Variants in SEMA3A observed in about 807,000 individuals in gnomAD.
SEMA3A encodes semaphorin-3A.
A neutral mutation model predicts 97.9 loss-of-function variants in SEMA3A; 29 were observed. That is an observed-to-expected ratio of 0.30 (90% confidence interval 0.22 to 0.40). SEMA3A has a LOEUF of 0.40. Ranked by LOEUF, SEMA3A falls within the 10% of genes least tolerant of loss-of-function variation. SEMA3A has a pLI of 1.00. For missense variants in SEMA3A, 763 were observed against 951.3 expected, an observed-to-expected ratio of 0.80 and a Z score of 2.60; for synonymous variants, 321 against 323.7, an observed-to-expected ratio of 0.99 and a Z score of 0.09.
chr7:84,157,460 C>T (rs1318220769), intron 1 of SEMA3A, among the ~76,000 whole-genome samples: 1 of 149,752 alleles, frequency 6.7e-6, no homozygotes, highest in African/African-American at 2.5e-5. Flanking sequence ...GACCACAACA[C>T]TGTTTAAAAT....
intron 6 of SEMA3A, among the ~76,000 whole-genome samples, chr7:84,033,819 A>G (rs1791846295): frequency 6.6e-6 from 1 of 152,112 alleles, no homozygotes; most frequent in Non-Finnish European, 1.5e-5. Flanking sequence ...ATTTTGAACA[A>G]GATCCCATGG....
rs1041730816 is a variant in SEMA3A at position 84,425,995 on chromosome 7, G to A, written c.-245-54095C>T. Among the ~76,000 whole-genome samples, 4 of 150,246 alleles carry A rather than the reference G, an allele frequency of 2.7e-5. 1 individual carries two copies. The highest frequency in any genetic ancestry group is 4.4e-5 in the Non-Finnish European group (3 of 67,618). The stretch of plus-strand genomic sequence containing the variant: ...ACTCAGGAATGGAAAACTAAATACT[G>A]TAAATTCTCATTTATATTTGGCAGC... On this transcript the variant is annotated intron_variant, in intron 1 of 3. Coordinates refer to the SEMA3A transcript ENST00000424555.
chr7:84,447,101 C>G lies in SEMA3A; in HGVS notation c.-246+45359G>C, dbSNP rs376146317. ...AAAGCAAAGTTGAAGCGAGCCCAGG[C>G]GCCATCACGACCTGGCCAGGTGTGC... is the stretch of plus-strand genomic sequence containing the variant. On this transcript the variant is annotated intron_variant, in intron 1 of 3. Coordinates refer to the SEMA3A transcript ENST00000424555. Among the ~76,000 whole-genome samples, 10 of 152,294 alleles carry G rather than the reference C, an allele frequency of 6.6e-5. 2 individuals carry two copies. Among genetic ancestry groups the G allele is most frequent in the Admixed American group, 6.5e-5 (1 of 15,308 alleles).
chr7:84,113,726 A>ATATT (rs1562790509), intron 3 of SEMA3A, among the ~76,000 whole-genome samples: 1 of 152,168 alleles, frequency 6.6e-6, no homozygotes, highest in East Asian at 1.9e-4. Context: ...TGGCTTCCCA[A>ATATT]GAGTCAGGCA....
intron 1 of SEMA3A, among the ~76,000 whole-genome samples, chr7:84,423,692 T>A (rs1189330806): frequency 6.6e-6 from 1 of 152,026 alleles, no homozygotes; most frequent in Non-Finnish European, 1.5e-5. Flanking sequence ...AGCAAACATT[T>A]TACCTGTTTT....
intron 1 of SEMA3A, among the ~76,000 whole-genome samples, chr7:84,373,022 G>A (rs777752110): frequency 6.6e-6 from 1 of 152,114 alleles, no homozygotes; most frequent in Non-Finnish European, 1.5e-5. Context: ...GTTTCCATTC[G>A]CTCTCTTGTC....
chr7:84,472,316 C>T (rs1303430646), intron 1 of SEMA3A, among the ~76,000 whole-genome samples: 2 of 152,210 alleles, frequency 1.3e-5, no homozygotes, highest in Non-Finnish European at 1.5e-5. Context: ...TTGAGGAAGA[C>T]TTTGGTCTTT....
intron 1 of SEMA3A, among the ~76,000 whole-genome samples, chr7:84,454,810 T>C (rs1805648990): frequency 6.6e-6 from 1 of 152,120 alleles, no homozygotes; most frequent in Non-Finnish European, 1.5e-5. Context: ...TAAATCTTTT[T>C]ACAACTGTCA....
At chr7:84,176,082 A>G (rs1797557600) in intron 1 of SEMA3A, among the ~76,000 whole-genome samples, 1 of 133,924 alleles carries the variant, frequency 7.5e-6, no homozygotes, top group Non-Finnish European at 1.7e-5. Flanking sequence ...CTTAAGAACA[A>G]TTATGTCTAT....
chr7:84,351,338 T>A, intron 2 of SEMA3A, among the ~76,000 whole-genome samples: 1 of 152,154 alleles, frequency 6.6e-6, no homozygotes, highest in East Asian at 1.9e-4. Flanking sequence ...TTGAAAAACA[T>A]TGACAACAAT....
chr7:84,385,649 C>T (rs1803378594), intron 1 of SEMA3A, among the ~76,000 whole-genome samples: 2 of 152,026 alleles, frequency 1.3e-5, no homozygotes, highest in Non-Finnish European at 2.9e-5. Context: ...TTGAATTTCC[C>T]AGAAGAGCCA....
At chr7:84,413,468 AAAC>A (rs1804336523) in intron 1 of SEMA3A, among the ~76,000 whole-genome samples, 1 of 152,104 alleles carries the variant, frequency 6.6e-6, no homozygotes, top group South Asian at 2.1e-4. Flanking sequence ...TCTCTACAAA[AAAC>A]ACAAAAGTTA....
intron 1 of SEMA3A, among the ~76,000 whole-genome samples, chr7:84,174,179 T>C (rs10228719): frequency 0.011 from 1,645 of 151,436 alleles, 23 homozygotes; most frequent in African/African-American, 0.038. Context: ...GTAAATGTAA[T>C]GTATTTGAAT....
chr7:84,021,627 T>G (rs1791332717), intron 6 of SEMA3A, among the ~76,000 whole-genome samples: 4 of 152,232 alleles, frequency 2.6e-5, no homozygotes, highest in Admixed American at 2.6e-4. Context: ...AAACTCTATC[T>G]TAATCACTTG....
Position 84,001,957 on chromosome 7 carries a change from G to A in SEMA3A, c.1450C>T (p.Arg484Trp), listed in dbSNP as rs137871935. The A allele has an allele frequency of 1.4e-4, 227 of 1,608,298 alleles. 1 individual carries two copies. Among genetic ancestry groups the A allele is most frequent in the Middle Eastern group, 1.3e-3 (8 of 6,042 alleles). The stretch of plus-strand genomic sequence containing the variant: ...ACTTGAAATTAAGCAGCACTCACCC[G>A]AAAAACTGTCATTTCTTCCAGCAGA... ...EVLLEEMTVFREPTAISAMEL... is the reference protein window; with the variant it reads ...EVLLEEMTVFWEPTAISAMEL... Residue 484 changes from arginine to tryptophan, a missense_variant and splice_region_variant, in exon 12 of 17, where the codon CGG (arginine) becomes TGG (tryptophan). Around this residue, in one of 2 missense-constraint regions of SEMA3A, gnomAD observed 678 missense variants for 881.3 expected, o/e 0.77. Transcript: ENST00000265362.
At chr7:84,178,995 A>G (rs927016499) in intron 1 of SEMA3A, among the ~76,000 whole-genome samples, 1 of 151,918 alleles carries the variant, frequency 6.6e-6, no homozygotes, top group Admixed American at 6.6e-5. Flanking sequence ...TACTTCAAAT[A>G]TTTCTTTTCA....
At chr7:84,281,885 A>G (rs528783136) in intron 3 of SEMA3A, among the ~76,000 whole-genome samples, 120 of 152,288 alleles carry the variant, frequency 7.9e-4, no homozygotes, top group South Asian at 3.1e-3. Flanking sequence ...ACAAATATTC[A>G]TCATTACTAA....
At chr7:84,439,651 GGCT>G (rs1805221805) in intron 1 of SEMA3A, among the ~76,000 whole-genome samples, 1 of 152,066 alleles carries the variant, frequency 6.6e-6, no homozygotes, top group East Asian at 1.9e-4. Context: ...TTTAGATTAA[GGCT>G]ATAAAAAGCT....
At chr7:84,435,475 G>A (rs1805102454) in intron 1 of SEMA3A, among the ~76,000 whole-genome samples, 1 of 152,190 alleles carries the variant, frequency 6.6e-6, no homozygotes, top group South Asian at 2.1e-4. Context: ...GGGCATAATG[G>A]TGCGTGCCTA....
Sources: allele counts gnomAD v4.1 joint callset (sites outside exome capture counted in the v4.1 genomes callset), GRCh38; gene constraint gnomAD v4.1.1; regional missense constraint gnomAD v4.1.1; transcripts MANE v1.5; gene names NCBI Gene and HGNC (gene_info 2026-07-23, HGNC 2026-07-21).